Variants in DOK3 observed in about 807,000 individuals in gnomAD.
The protein encoded by DOK3 is docking protein 3, also known as Dok-like protein.
In DOK3, 23 loss-of-function variants were observed where a neutral mutation model predicts 26.2. The observed-to-expected ratio is 0.88, with a 90% confidence interval of 0.63 to 1.24. DOK3 has a LOEUF of 1.24. DOK3 is among the 50% of genes most tolerant of loss of function. The probability of loss-of-function intolerance (pLI) is 0.00; values close to 1 mark genes in which losing one functional copy is unlikely to be tolerated. For missense variants in DOK3, 619 were observed against 610.6 expected (o/e 1.01, Z -0.15); for synonymous variants, 268 against 268.2 (o/e 1.00, Z 0.01).
intron 3 of DOK3, 60 bp downstream of exon 3, chr5:177,508,177 A>G (rs898544474): frequency 2.1e-6 from 3 of 1,419,816 alleles, no homozygotes; most frequent in Middle Eastern, 2.6e-4. Context: ...GTGAGCGTGG[A>G]GGTGGACAAG....
intron 3 of DOK3, among the ~76,000 whole-genome samples, chr5:177,508,009 G>A (rs1760431694): frequency 6.6e-6 from 1 of 152,218 alleles, no homozygotes; most frequent in African/African-American, 2.4e-5. Flanking sequence ...CCTCCTCTGA[G>A]AGGCCTTCCC....
At chr5:177,509,714 A>T in intron 1 of DOK3, 44 bp downstream of exon 1, 1 of 1,609,216 alleles carries the variant, frequency 6.2e-7, no homozygotes, top group South Asian at 1.1e-5. Flanking sequence ...GGCAGCATGT[A>T]TTTCCTCCCT....
rs1202279439 is a variant in DOK3, at chr5:177,502,101, G to GTT, written c.*1881_*1882insAA. ...TGTTATGAGGTAGGAGGAATAGCAA[G>GTT]TAACGGGGGTGTTTCAAGAACCAGA... On this transcript the variant is annotated 3_prime_UTR_variant, in exon 6 of 6. Transcript: ENST00000510898. 6.6e-6 allele frequency: 1 copy of GTT among 152,228 alleles called. No homozygotes were observed. Among genetic ancestry groups the GTT allele is most frequent in the East Asian group, 1.9e-4 (1 of 5,192 alleles). 9.4% of individuals were successfully genotyped at this position (152,228 alleles called of 1,614,324 possible).
In DOK3 at chr5:177,505,062, T is replaced by C; in HGVS notation, c.421A>G (p.Arg141Gly). The C allele has an allele frequency of 6.2e-7, 1 of 1,612,364 alleles. No individual in the cohort carries two copies. The highest frequency in any genetic ancestry group is 8.5e-7 in the Non-Finnish European group (1 of 1,179,368). The change falls in exon 4 of 6, where the codon AGG (arginine) becomes GGG (glycine). Residue 141 changes from arginine (R) to glycine (G), a missense_variant. By Grantham distance (125) the Arg-to-Gly change is moderately radical. Coordinates refer to ENST00000510898, the MANE Select transcript of DOK3 (RefSeq NM_001308236.3). The stretch of plus-strand genomic sequence containing the variant: ...TTTTCCTCCATGGGGACCAGGCCCC[T>C]CTTGGGAGACTGGGCATCTGTGGAT... Reference protein sequence around the residue: ...SGSTDAQSPKRGLVPMEENSI... With the variant: ...SGSTDAQSPKGGLVPMEENSI...
Position 177,503,495 on chromosome 5 carries a change from G to C in DOK3, c.*488C>G. ...CGCCCCCACTGCCTCCTCCCAGCTC[G>C]GGCCTCCGGGTCTCCAGTTGGGCCC... On this transcript the variant is annotated 3_prime_UTR_variant, in exon 6 of 6. Coordinates refer to ENST00000510898, the MANE Select transcript of DOK3 (RefSeq NM_001308236.3). The C allele has an allele frequency of 6.9e-7, 1 of 1,444,798 alleles. No homozygotes were observed. The highest frequency in any genetic ancestry group is 9.1e-7 in the Non-Finnish European group (1 of 1,099,066). The allele number at this position is 1,444,798 out of a possible 1,614,324, so 89.5% of individuals were successfully genotyped here.
rs79463547 is a variant in DOK3 at position 177,503,803 on chromosome 5, G to C, written c.*180C>G. ...TCTGAGCTTTATTATCTGTGAGTCT[G>C]CACACTATTCATGAGGAGGGCAGGG... On this transcript the variant is annotated 3_prime_UTR_variant, in exon 6 of 6. Coordinates refer to ENST00000510898, the MANE Select transcript of DOK3 (RefSeq NM_001308236.3). 7.5e-4 allele frequency: 1,074 copies of C among 1,430,656 alleles called. 10 individuals are homozygous for C. The African/African-American group carries it at 0.014, about 19-fold the overall frequency. 88.6% of individuals were successfully genotyped at this position (1,430,656 alleles called of 1,614,324 possible). A position where few individuals can be genotyped will look rare whatever the true frequency, so the allele number is the denominator to read the frequency against.
At position 177,502,321 on chromosome 5, in the gene DOK3, GA is replaced by G. The variant is rs1387311627; in HGVS notation, c.*1661del. The stretch of plus-strand genomic sequence containing the variant: ...AGTTTTTGCTGTGAAGAGGAACAGA[GA>G]AACAGAGGTGGCCGAAGAGGAATGT... On this transcript the variant is annotated 3_prime_UTR_variant, in exon 6 of 6. Coordinates refer to ENST00000510898, the MANE Select transcript of DOK3 (RefSeq NM_001308236.3). 6.6e-6 allele frequency: 1 copy of G among 152,314 alleles called. No individual in the cohort carries two copies. Among genetic ancestry groups the G allele is most frequent in the Non-Finnish European group, 1.5e-5 (1 of 68,072 alleles). 9.4% of individuals were successfully genotyped at this position (152,314 alleles called of 1,614,324 possible).
At position 177,502,180 on chromosome 5, in the gene DOK3, G is replaced by A. The variant is rs1378704273; in HGVS notation, c.*1803C>T. 1 of 152,216 alleles carries A rather than the reference G, an allele frequency of 6.6e-6. No homozygotes were observed. Among genetic ancestry groups the A allele is most frequent in the Non-Finnish European group, 1.5e-5 (1 of 68,042 alleles). 9.4% of individuals were successfully genotyped at this position (152,216 alleles called of 1,614,324 possible). On this transcript the variant is annotated 3_prime_UTR_variant, in exon 6 of 6. Coordinates refer to ENST00000510898, the MANE Select transcript of DOK3 (RefSeq NM_001308236.3). ...TTGTTGCTTTTGTTTTGGAGAATAA[G>A]GTTGGTGACTCTAATAAAAGCCACA...
At chr5:177,505,600 G>A (rs986316212) in intron 3 of DOK3, among the ~76,000 whole-genome samples, 6 of 152,118 alleles carry the variant, frequency 3.9e-5, no homozygotes, top group Admixed American at 3.3e-4. Context: ...CAACACAGCC[G>A]GGTCAAATGC....
rs1759785698 is a variant in DOK3 at position 177,504,531 on chromosome 5, G to A, written c.775C>T (p.Pro259Ser). ...GAIARQRERLPELTRPQPCPL... is the reference protein window; with the variant it reads ...GAIARQRERLSELTRPQPCPL... ...CAGGGCTGGGGCCTGGTCAGCTCTG[G>A]CAGCCGCTCCCGCTGGCGGGCGATG... Residue 259 changes from proline to serine, a missense_variant, in exon 6 of 6, where the codon CCA (proline) becomes TCA (serine). Transcript: ENST00000510898. 6.3e-7 allele frequency: 1 copy of A among 1,589,784 alleles called. No individual in the cohort carries two copies. Among genetic ancestry groups the A allele is most frequent in the African/African-American group, 1.3e-5 (1 of 74,660 alleles).
At position 177,503,462 on chromosome 5, in the gene DOK3, C is replaced by G; in HGVS notation, c.*521G>C. 6.8e-7 allele frequency: 1 copy of G among 1,472,632 alleles called. No homozygotes were observed. The highest frequency in any genetic ancestry group is 1.4e-5 in the South Asian group (1 of 71,478). 91.2% of individuals were successfully genotyped at this position (1,472,632 alleles called of 1,614,324 possible). ...AGGGTGTCTCTGAAATCCCTTCCAC[C>G]TGCACCCCGCCCCCACTGCCTCCTC... On this transcript the variant is annotated 3_prime_UTR_variant, in exon 6 of 6. Coordinates refer to ENST00000510898, the MANE Select transcript of DOK3 (RefSeq NM_001308236.3).
chr5:177,504,002 G>T lies in DOK3; in HGVS notation c.1304C>A (p.Ala435Asp). The T allele has an allele frequency of 1.9e-6, 3 of 1,556,582 alleles. No individual in the cohort carries two copies. In the Admixed American group the frequency reaches 5.8e-5, roughly 30 times the overall value. ...GGGCGTTCAGGGCCGGTCACAAGGG[G>T]CTGGGCCCTTCCTCCGCTCACGACT... Reference protein sequence around the residue: ...LLSRERRKGPAPCDRP With the variant: ...LLSRERRKGPDPCDRP Residue 435 changes from alanine (A) to aspartate (D), a missense_variant, in exon 6 of 6, where the codon GCC becomes GAC. By Grantham distance (126) the Ala-to-Asp change is moderately radical (BLOSUM62 -2). Coordinates refer to ENST00000510898, the MANE Select transcript of DOK3 (RefSeq NM_001308236.3).
chr5:177,509,177 T>G (rs115939620), intron 2 of DOK3: 5,421 of 325,972 alleles, frequency 0.017, 321 homozygotes, highest in African/African-American at 0.11. Flanking sequence ...TGGCACTATT[T>G]CATGGGTCAG....
intron 2 of DOK3, chr5:177,508,968 T>C (rs1212890551): frequency 4.9e-6 from 1 of 203,324 alleles, no homozygotes; most frequent in East Asian, 1.2e-4. Context: ...GAAGGAAACA[T>C]GCAAATAGCT....
intron 3 of DOK3, 42 bp from the exon 4 acceptor site, chr5:177,505,152 C>T (rs1213793542): frequency 1.3e-6 from 2 of 1,522,092 alleles, no homozygotes; most frequent in Non-Finnish European, 1.8e-6. Context: ...CACCGCACTC[C>T]CATGCCCTGT....
Position 177,509,601 on chromosome 5 carries a change from C to A in DOK3, c.-61G>T, listed in dbSNP as rs373302465. 3.1e-6 allele frequency: 5 copies of A among 1,602,386 alleles called. No individual in the cohort carries two copies. Among genetic ancestry groups the A allele is most frequent in the African/African-American group, 1.3e-5 (1 of 74,710 alleles). On this transcript the variant is annotated 5_prime_UTR_variant, in exon 2 of 6. Coordinates refer to ENST00000510898, the MANE Select transcript of DOK3 (RefSeq NM_001308236.3). ...CTGGGGAGACTGATGACAGGCTGGA[C>A]GGGAACTCCTCACACTTCCCCTTCT...
rs1759475866 is a variant in DOK3 at position 177,502,739 on chromosome 5, G to T, written c.*1244C>A. ...AAGGATGCAGGCAGTCTGCTTAAAT[G>T]GATTTCTCTGGCTGTGGGCAGCTGT... is the stretch of plus-strand genomic sequence containing the variant. On this transcript the variant is annotated 3_prime_UTR_variant, in exon 6 of 6. Transcript: ENST00000510898. The T allele has an allele frequency of 5.3e-6, 2 of 377,732 alleles. No individual in the cohort carries two copies. The highest frequency in any genetic ancestry group is 4.2e-5 in the Admixed American group (1 of 23,802). The allele number at this position is 377,732 out of a possible 1,614,324, so 23.4% of individuals were successfully genotyped here. A position where few individuals can be genotyped will look rare whatever the true frequency, so the allele number is the denominator to read the frequency against.
intron 2 of DOK3, chr5:177,509,239 A>C (rs1760655813): frequency 2.0e-6 from 1 of 497,778 alleles, no homozygotes. Flanking sequence ...ACCCTCTCCC[A>C]CTCCTGTATT....
chr5:177,507,542 C>T (rs930554215), intron 3 of DOK3, among the ~76,000 whole-genome samples: 2 of 152,054 alleles, frequency 1.3e-5, no homozygotes, highest in Non-Finnish European at 2.9e-5. Context: ...GCAGCCTCGA[C>T]CTCTGGGGCT....
Sources: allele counts gnomAD v4.1 joint callset (sites outside exome capture counted in the v4.1 genomes callset), GRCh38; gene constraint gnomAD v4.1.1; transcripts MANE v1.5; gene names NCBI Gene and HGNC (gene_info 2026-07-23, HGNC 2026-07-21).